NRG4: variants seen among roughly 807,000 people sequenced by gnomAD.
NRG4 encodes the protein neuregulin 4, also known as pro-neuregulin-4, membrane-bound isoform.
NRG4 carries 10 observed loss-of-function variants against 15.0 expected under a neutral mutation model. That is an observed-to-expected ratio of 0.67 (90% CI 0.41 to 1.13). The LOEUF is 1.13. NRG4 is among the 50% of genes most tolerant of loss of function. NRG4 has a pLI of 0.00. For missense variants in NRG4, 139 were observed against 140.2 expected (o/e 0.99, Z 0.04); for synonymous variants, 41 against 50.1 (o/e 0.82, Z 0.77).
intron 3 of NRG4, among the ~76,000 whole-genome samples, chr15:76,004,585 G>A (rs1322206157): frequency 7.0e-6 from 1 of 143,474 alleles, no homozygotes; most frequent in Non-Finnish European, 1.5e-5. Flanking sequence ...GGCAACAAGA[G>A]CGAAACTCCG....
intron 3 of NRG4, among the ~76,000 whole-genome samples, chr15:75,971,753 C>T (rs191229752): frequency 3.2e-4 from 49 of 152,178 alleles, no homozygotes; most frequent in Non-Finnish European, 5.3e-4. Flanking sequence ...ATTCTTCTCA[C>T]CAAAACTAAG....
chr15:76,021,464 A>T (rs1362315704), intron 5 of NRG4, among the ~76,000 whole-genome samples: 2 of 152,234 alleles, frequency 1.3e-5, no homozygotes, highest in Non-Finnish European at 2.9e-5. Flanking sequence ...GACTCACTTT[A>T]TTGTGATATT....
Position 75,941,972 on chromosome 15 carries a change from C to CTTTT in NRG4, c.*1662_*1665dup, listed in dbSNP as rs773623772. On this transcript the variant is annotated 3_prime_UTR_variant, in exon 6 of 6. Coordinates refer to ENST00000394907, the MANE Select transcript of NRG4 (RefSeq NM_138573.4). ...AAAAAAAAAAAAAAATATGGCCTAG[C>CTTTT]TTTTTTTTTTTTTTTTAAAAAGGGC... 198 of 107,534 alleles carry CTTTT rather than the reference C, an allele frequency of 1.8e-3. 1 individual carries two copies. The highest frequency in any genetic ancestry group is 6.5e-3 in the African/African-American group (190 of 29,180). The allele number at this position is 107,534 out of a possible 1,614,324, so 6.7% of individuals were successfully genotyped here.
At chr15:75,968,742 G>A (rs2469039) in intron 3 of NRG4, among the ~76,000 whole-genome samples, 121,905 of 151,922 alleles carry the variant, frequency 0.8, 49,272 homozygotes, top group South Asian at 0.9. Context: ...TCTCAAAGCA[G>A]ACAAAAATAA....
intron 3 of NRG4, among the ~76,000 whole-genome samples, chr15:75,995,788 A>T (rs990897414): frequency 6.6e-6 from 1 of 152,214 alleles, no homozygotes; most frequent in African/African-American, 2.4e-5. Flanking sequence ...AAGAGCTGTC[A>T]GTCTGAGGAG....
At chr15:75,948,712 C>T (rs776349846) in intron 5 of NRG4, among the ~76,000 whole-genome samples, 15 of 152,122 alleles carry the variant, frequency 9.9e-5, no homozygotes, top group Non-Finnish European at 1.6e-4. Flanking sequence ...TTAAAAACAA[C>T]TTACTGAGGT....
chr15:76,011,293 C>T lies in NRG4; in HGVS notation c.-56-7G>A, dbSNP rs911963114. 21 of 1,315,852 alleles carry T rather than the reference C, an allele frequency of 1.6e-5. No homozygotes were observed. The highest frequency in any genetic ancestry group is 3.0e-5 in the African/African-American group (2 of 65,920). The allele number at this position is 1,315,852 out of a possible 1,614,324, so 81.5% of individuals were successfully genotyped here. A position where few individuals can be genotyped will look rare whatever the true frequency, so the allele number is the denominator to read the frequency against. ...TAGGGTTGAAAAACAGTACCTAAAACGGTTTAAAAAGTAATAATTCAGGGA... is the reference window on the plus strand; with the variant it reads ...TAGGGTTGAAAAACAGTACCTAAAATGGTTTAAAAAGTAATAATTCAGGGA... On this transcript the variant is annotated splice_region_variant and splice_polypyrimidine_tract_variant and intron_variant, in intron 1 of 5. Transcript: ENST00000394907.
In NRG4 at chr15:75,963,726, T is replaced by A. The variant is rs913657035; in HGVS notation, c.105-1752A>T. ...CTGGGAGGCGGAGGTTGCAGTGAGC[T>A]GAGATCGTGCCACTGCACATCCAGC... is the stretch of plus-strand genomic sequence containing the variant. On this transcript the variant is annotated intron_variant, in intron 3 of 5. Coordinates refer to ENST00000394907, the MANE Select transcript of NRG4 (RefSeq NM_138573.4). 1.2e-3 allele frequency among the ~76,000 whole-genome samples: 177 copies of A among 145,718 alleles called. 1 individual carries two copies. The highest frequency in any genetic ancestry group is 4.2e-3 in the African/African-American group (165 of 39,250).
intron 3 of NRG4, among the ~76,000 whole-genome samples, chr15:75,973,394 C>G (rs937525434): frequency 1.3e-5 from 2 of 152,144 alleles, no homozygotes; most frequent in African/African-American, 4.8e-5. Flanking sequence ...CCAGAACTTC[C>G]AATACTATGT....
chr15:76,055,506 G>A (rs1385129778), intron 2 of NRG4, among the ~76,000 whole-genome samples: 2 of 152,246 alleles, frequency 1.3e-5, no homozygotes, highest in African/African-American at 4.8e-5. Context: ...CCAGGGTTGC[G>A]AACATGAACT....
intron 5 of NRG4, among the ~76,000 whole-genome samples, chr15:76,033,185 T>A (rs2035515640): frequency 6.6e-6 from 1 of 152,238 alleles, no homozygotes. Context: ...AAAAATGCAA[T>A]TTTACATGTG....
At chr15:75,940,233 C>A (rs879871273), downstream of NRG4, 2 of 151,890 alleles carry the variant, frequency 1.3e-5, no homozygotes, top group Non-Finnish European at 2.9e-5. Flanking sequence ...CAAGAACAGT[C>A]CCATTTACCA....
chr15:76,027,677 C>A (rs1414681210), intron 5 of NRG4, among the ~76,000 whole-genome samples: 1 of 152,176 alleles, frequency 6.6e-6, no homozygotes, highest in Non-Finnish European at 1.5e-5. Context: ...TGGATTTAAA[C>A]TGCACCATAG....
intron 3 of NRG4, among the ~76,000 whole-genome samples, chr15:75,983,236 T>C (rs575879970): frequency 2.3e-4 from 35 of 152,128 alleles, no homozygotes; most frequent in African/African-American, 8.4e-4. Flanking sequence ...TTACAATGCA[T>C]AAAAAGTCTT....
chr15:76,005,051 A>C (rs1215644270), intron 3 of NRG4, among the ~76,000 whole-genome samples: 1 of 152,144 alleles, frequency 6.6e-6, no homozygotes, highest in East Asian at 1.9e-4. Flanking sequence ...ATAATAAAGC[A>C]AACTAGAGAA....
downstream of NRG4, chr15:75,938,614 G>A (rs1255376494): frequency 1.3e-5 from 2 of 152,142 alleles, no homozygotes; most frequent in Non-Finnish European, 2.9e-5. Flanking sequence ...GCAGAGAAAA[G>A]TATAATAAAT....
downstream of NRG4, chr15:75,935,540 A>C (rs1413691341): frequency 6.6e-6 from 1 of 151,710 alleles, no homozygotes; most frequent in African/African-American, 2.4e-5. Context: ...GATCCAAGTA[A>C]AATCTAAGGA....
intron 2 of NRG4, among the ~76,000 whole-genome samples, chr15:76,056,315 G>C (rs1162218255): frequency 6.6e-6 from 1 of 152,016 alleles, no homozygotes. Flanking sequence ...AAATTAGCTG[G>C]GTGTGCTGGC....
chr15:75,962,047 C>T (rs896793200), intron 3 of NRG4, 73 bp from the exon 4 acceptor site: 6 of 1,159,862 alleles, frequency 5.2e-6, no homozygotes, highest in Non-Finnish European at 7.3e-6. Flanking sequence ...AAACAGTTTC[C>T]AGATGACGTG....
Sources: gnomAD v4.1 joint callset for allele counts (sites outside exome capture counted in the v4.1 genomes callset) on GRCh38, gnomAD v4.1.1 for gene constraint, MANE v1.5 for transcripts, NCBI Gene and HGNC (gene_info 2026-07-23, HGNC 2026-07-21) for gene names.